The following PLCE1 variants were observed in gnomAD, a reference collection of about 807,000 sequenced individuals.
The protein encoded by PLCE1 is phospholipase C epsilon 1.
PLCE1 carries 119 observed loss-of-function variants against 242.8 expected under a neutral mutation model. The observed-to-expected ratio is 0.49, with a 90% confidence interval of 0.42 to 0.57. The LOEUF is 0.57. PLCE1 is among the 20% of genes least tolerant of loss of function. PLCE1 has a pLI of 0.00. For missense variants in PLCE1, 2,441 were observed against 2,788.8 expected, an observed-to-expected ratio of 0.88 and a Z score of 2.81; for synonymous variants, 945 against 1,017.4, an observed-to-expected ratio of 0.93 and a Z score of 1.35.
At chr10:94,049,599 G>T (rs1935964) in intron 2 of PLCE1, among the ~76,000 whole-genome samples, 1 of 150,606 alleles carries the variant, frequency 6.6e-6, no homozygotes, top group Non-Finnish European at 1.5e-5. Flanking sequence ...CTGTCTGTCT[G>T]TCTCTCTCTC....
chr10:94,221,106 G>A (rs1056813585), intron 4 of PLCE1, among the ~76,000 whole-genome samples: 11 of 152,220 alleles, frequency 7.2e-5, no homozygotes, highest in Admixed American at 1.3e-4. Flanking sequence ...CCCTGGGTGA[G>A]TTCTCAAACT....
intron 1 of PLCE1, among the ~76,000 whole-genome samples, chr10:94,015,706 A>C (rs2061264492): frequency 1.3e-5 from 2 of 152,160 alleles, no homozygotes; most frequent in African/African-American, 2.4e-5. Context: ...AGGACTCAGA[A>C]ATGGGAATGA....
chr10:94,193,618 T>C (rs1486386003), intron 4 of PLCE1, among the ~76,000 whole-genome samples: 2 of 152,206 alleles, frequency 1.3e-5, no homozygotes, highest in African/African-American at 4.8e-5. Flanking sequence ...AGTCATGCTT[T>C]TGTTGGCAAA....
intron 3 of PLCE1, among the ~76,000 whole-genome samples, chr10:94,160,112 A>G (rs1196236381): frequency 1.3e-5 from 2 of 152,216 alleles, no homozygotes; most frequent in Admixed American, 6.5e-5. Flanking sequence ...AGCATGATTT[A>G]TAATCCTCTG....
At chr10:94,310,477 T>C in intron 27 of PLCE1, among the ~76,000 whole-genome samples, 1 of 152,164 alleles carries the variant, frequency 6.6e-6, no homozygotes, top group Admixed American at 6.5e-5. Flanking sequence ...AGGCATCAGT[T>C]TTTTTAAGGA....
At chr10:94,239,922 C>T (rs2050447252) in intron 7 of PLCE1, among the ~76,000 whole-genome samples, 1 of 152,226 alleles carries the variant, frequency 6.6e-6, no homozygotes, top group Non-Finnish European at 1.5e-5. Flanking sequence ...CAATGCCCAA[C>T]ACACAACATC....
intron 2 of PLCE1, among the ~76,000 whole-genome samples, chr10:94,117,631 G>C (rs2046174433): frequency 6.6e-6 from 1 of 152,164 alleles, no homozygotes; most frequent in Admixed American, 6.5e-5. Context: ...ACTAGATCAT[G>C]GTGGGTATAA....
intron 5 of PLCE1, among the ~76,000 whole-genome samples, chr10:94,232,629 A>G (rs966359808): frequency 6.6e-6 from 1 of 152,130 alleles, no homozygotes. Context: ...AGCAAAATGC[A>G]GTGTACCCTC....
intron 4 of PLCE1, among the ~76,000 whole-genome samples, chr10:94,205,176 T>C (rs1412886917): frequency 2.0e-5 from 3 of 152,158 alleles, no homozygotes; most frequent in Non-Finnish European, 4.4e-5. Flanking sequence ...GCAAAAGTAA[T>C]CTTGGTTTAT....
In PLCE1 at chr10:94,234,256, G is replaced by A. The variant is rs532351295; in HGVS notation, c.2158G>A (p.Ala720Thr). Residue 720 changes from alanine (A) to threonine (T), a missense_variant, in exon 6 of 33, where the codon GCC (alanine) becomes ACC (threonine). This residue lies in a region of PLCE1 where 733 missense variants were observed against 754.2 expected (regional missense o/e 0.97). Coordinates refer to ENST00000371380, the MANE Select transcript of PLCE1 (RefSeq NM_016341.4). Reference sequence around the variant, plus strand: ...GGAGCTCTGTGAAGTGCTTGACGGCGCCTCCGGTCTCATGAAGCTTTGCCC... The same window carrying A: ...GGAGCTCTGTGAAGTGCTTGACGGCACCTCCGGTCTCATGAAGCTTTGCCC... ...LKELCEVLDGASGLMKLCPRY... is the reference protein window; with the variant it reads ...LKELCEVLDGTSGLMKLCPRY... The A allele has an allele frequency of 3.5e-5, 56 of 1,614,092 alleles. No individual in the cohort carries two copies. In the East Asian group the frequency reaches 8.7e-4, roughly 25 times the overall value.
At chr10:94,315,011 T>A in intron 28 of PLCE1, 1 of 162,224 alleles carries the variant, frequency 6.2e-6, no homozygotes, top group Non-Finnish European at 1.3e-5. Flanking sequence ...GAGCCACCCA[T>A]AGCAGTCCAT....
At chr10:94,194,998 T>C (rs1305226529) in intron 4 of PLCE1, among the ~76,000 whole-genome samples, 1 of 152,142 alleles carries the variant, frequency 6.6e-6, no homozygotes, top group Admixed American at 6.6e-5. Flanking sequence ...TGGTAGATAG[T>C]GGTGCTGATA....
intron 27 of PLCE1, among the ~76,000 whole-genome samples, chr10:94,313,000 T>C (rs1160436392): frequency 2.0e-5 from 3 of 152,188 alleles, no homozygotes; most frequent in African/African-American, 2.4e-5. Context: ...ACATTTCAGA[T>C]AATATCAGCC....
At chr10:94,119,027 A>G (rs879638898) in intron 2 of PLCE1, among the ~76,000 whole-genome samples, 2 of 152,166 alleles carry the variant, frequency 1.3e-5, no homozygotes, top group African/African-American at 4.8e-5. Context: ...TTTAAGATCT[A>G]TACCTCCAAC....
chr10:94,283,884 A>G lies in PLCE1; in HGVS notation c.4890A>G (p.Ala1630=), dbSNP rs199937291. 3.0e-5 allele frequency: 49 copies of G among 1,612,056 alleles called. No individual in the cohort carries two copies. The highest frequency in any genetic ancestry group is 4.0e-5 in the Non-Finnish European group (47 of 1,178,648). ...AAATCCCAAAGAGGATAAAGAAAGC[A>G]GATAACTCTGCTTGCAACAAAGGAA... is the stretch of plus-strand genomic sequence containing the variant. ...NEEIPKRIKK[A]DNSACNKGKV... The change falls in exon 21 of 33, where the codon GCA becomes GCG. Residue 1630 remains alanine (A), a synonymous_variant. Transcript: ENST00000371380.
chr10:94,147,752 A>T (rs1370224562), intron 3 of PLCE1, among the ~76,000 whole-genome samples: 5 of 152,248 alleles, frequency 3.3e-5, no homozygotes, highest in African/African-American at 1.2e-4. Flanking sequence ...CATAGCTCAC[A>T]GAAGTGTGAT....
intron 11 of PLCE1, among the ~76,000 whole-genome samples, chr10:94,258,255 G>T (rs75321484): frequency 1.3e-5 from 2 of 152,044 alleles, no homozygotes; most frequent in African/African-American, 2.4e-5. Flanking sequence ...ATGAGCCACC[G>T]CACCCAGCCC....
intron 4 of PLCE1, among the ~76,000 whole-genome samples, chr10:94,219,701 C>A (rs1193481102): frequency 6.6e-6 from 1 of 151,944 alleles, no homozygotes; most frequent in African/African-American, 2.4e-5. Context: ...TTGAAATGAG[C>A]CTAAGAATAG....
At chr10:94,163,774 T>A (rs966918071) in intron 3 of PLCE1, among the ~76,000 whole-genome samples, 1 of 152,204 alleles carries the variant, frequency 6.6e-6, no homozygotes, top group Non-Finnish European at 1.5e-5. Context: ...CAATTTGGCA[T>A]GTTTTTGCGG....
Sources: allele counts gnomAD v4.1 joint callset (sites outside exome capture counted in the v4.1 genomes callset), GRCh38; gene constraint gnomAD v4.1.1; regional missense constraint gnomAD v4.1.1; transcripts MANE v1.5; gene names NCBI Gene and HGNC (gene_info 2026-07-23, HGNC 2026-07-21).